UGT8: variants seen among roughly 807,000 people sequenced by gnomAD.
UGT8 encodes UDP glycosyltransferase 8.
In UGT8, 12 loss-of-function variants were observed where a neutral mutation model predicts 40.5. That is an observed-to-expected ratio of 0.30 (90% CI 0.19 to 0.48). The LOEUF (loss-of-function observed/expected upper bound fraction) is 0.48, where lower values mean the gene tolerates loss of function less well. Ranked by LOEUF, UGT8 falls within the 20% of genes least tolerant of loss-of-function variation. The probability of loss-of-function intolerance (pLI) is 0.99; values close to 1 mark genes in which losing one functional copy is unlikely to be tolerated. For missense variants in UGT8, 513 were observed against 648.7 expected (o/e 0.79, Z 2.27); for synonymous variants, 224 against 240.4 (o/e 0.93, Z 0.63).
intron 2 of UGT8, among the ~76,000 whole-genome samples, chr4:114,650,385 G>A (rs1309642244): frequency 6.6e-6 from 1 of 152,182 alleles, no homozygotes; most frequent in African/African-American, 2.4e-5. Flanking sequence ...AGAACTTGGT[G>A]ATGACTTGAG....
rs1735722221 is a variant in UGT8, at chr4:114,677,351, AT to A, written c.*1065del. 1 of 152,180 alleles carries A rather than the reference AT, an allele frequency of 6.6e-6. No homozygotes were observed. Among genetic ancestry groups the A allele is most frequent in the Non-Finnish European group, 1.5e-5 (1 of 68,028 alleles). The allele number at this position is 152,180 out of a possible 1,614,324, so 9.4% of individuals were successfully genotyped here. A position where few individuals can be genotyped will look rare whatever the true frequency, so the allele number is the denominator to read the frequency against. On this transcript the variant is annotated 3_prime_UTR_variant, in exon 6 of 6. Coordinates refer to ENST00000310836, the MANE Select transcript of UGT8 (RefSeq NM_001128174.3). ...TATATTACATAGGTGCCAACATTTAATTCTTTTAAATGGAACATTTGCAGTT... is the reference window on the plus strand; with the variant it reads ...TATATTACATAGGTGCCAACATTTAATCTTTTAAATGGAACATTTGCAGTT...
At chr4:114,660,890 CAAAAAA>C (rs34026143) in intron 2 of UGT8, among the ~76,000 whole-genome samples, 1 of 103,002 alleles carries the variant, frequency 9.7e-6, no homozygotes, top group Admixed American at 9.8e-5. Context: ...GACTCTGTCT[CAAAAAA>C]AAAAAAAAAA....
intron 2 of UGT8, among the ~76,000 whole-genome samples, chr4:114,647,360 G>GTGTA (rs1245444886): frequency 9.5e-5 from 14 of 146,940 alleles, no homozygotes; most frequent in Admixed American, 2.7e-4. Context: ...GCTCTTTTGT[G>GTGTA]TGTGTGTGTG....
At chr4:114,648,272 T>C (rs1393026326) in intron 2 of UGT8, among the ~76,000 whole-genome samples, 1 of 152,088 alleles carries the variant, frequency 6.6e-6, no homozygotes, top group African/African-American at 2.4e-5. Flanking sequence ...ATGCACTTCT[T>C]GCCTGTGGTG....
chr4:114,658,133 T>A (rs1239539616), intron 2 of UGT8, among the ~76,000 whole-genome samples: 3 of 152,214 alleles, frequency 2.0e-5, no homozygotes, highest in Non-Finnish European at 2.9e-5. Flanking sequence ...ATCAAAATGT[T>A]CACTATCATT....
rs201905002 is a variant in UGT8 at position 114,633,409 on chromosome 4, A to AG, written c.822+9709dup. Among the ~76,000 whole-genome samples the AG allele has an allele frequency of 1.5e-3, 229 of 152,338 alleles. 6 individuals are homozygous for AG. Among genetic ancestry groups the AG allele is most frequent in the Admixed American group, 0.014 (212 of 15,308 alleles). ...TGAGAAAGTGGAGAGAGCTGATGGA[A>AG]GGAGAGTATTCCAGGCAACCAACAC... is the stretch of plus-strand genomic sequence containing the variant. On this transcript the variant is annotated intron_variant, in intron 2 of 5. Transcript: ENST00000310836.
intron 2 of UGT8, among the ~76,000 whole-genome samples, chr4:114,628,152 T>G (rs902247646): frequency 6.6e-6 from 1 of 152,072 alleles, no homozygotes; most frequent in Non-Finnish European, 1.5e-5. Flanking sequence ...TTAATTTTTA[T>G]TTTTTGAGAT....
rs562673719 is a variant in UGT8 at position 114,654,805 on chromosome 4, G to A, written c.823-9190G>A. Among the ~76,000 whole-genome samples the A allele has an allele frequency of 4.6e-5, 7 of 152,192 alleles. No homozygotes were observed. The South Asian group carries it at 6.2e-4, about 14-fold the overall frequency. ...GTAATCAGTTGACCAGAGAAGTCAC[G>A]AGTCAGCCAAAGCTTACCTGCCCAA... On this transcript the variant is annotated intron_variant, in intron 2 of 5. Coordinates refer to ENST00000310836, the MANE Select transcript of UGT8 (RefSeq NM_001128174.3).
intron 1 of UGT8, among the ~76,000 whole-genome samples, chr4:114,604,426 G>A (rs1261249098): frequency 4.0e-5 from 6 of 150,698 alleles, no homozygotes; most frequent in Non-Finnish European, 8.8e-5. Flanking sequence ...CTGTGTAATA[G>A]GGGAAGGACT....
chr4:114,609,725 T>G (rs750523094), intron 1 of UGT8, among the ~76,000 whole-genome samples: 9 of 152,152 alleles, frequency 5.9e-5, no homozygotes, highest in African/African-American at 1.9e-4. Flanking sequence ...TTATACTTTC[T>G]GACCATTATT....
chr4:114,648,281 T>C (rs1733697226), intron 2 of UGT8, among the ~76,000 whole-genome samples: 1 of 151,658 alleles, frequency 6.6e-6, no homozygotes, highest in Non-Finnish European at 1.5e-5. Flanking sequence ...TTGCCTGTGG[T>C]GAGGAAGGAG....
At chr4:114,647,231 G>C (rs1733624673) in intron 2 of UGT8, among the ~76,000 whole-genome samples, 1 of 152,116 alleles carries the variant, frequency 6.6e-6, no homozygotes, top group East Asian at 1.9e-4. Context: ...AGGATCTATA[G>C]TAATAATTTG....
chr4:114,619,386 A>G (rs1323141585), intron 1 of UGT8: 1 of 152,102 alleles, frequency 6.6e-6, no homozygotes, highest in Non-Finnish European at 1.5e-5. Context: ...TTTTTTCATC[A>G]TATGTTACTT....
intron 1 of UGT8, among the ~76,000 whole-genome samples, chr4:114,619,156 A>C (rs1443525796): frequency 6.6e-6 from 1 of 152,080 alleles, no homozygotes; most frequent in Non-Finnish European, 1.5e-5. Context: ...ACAATCATCC[A>C]GTGGGATTTG....
rs559516567 is a variant in UGT8 at position 114,620,225 on chromosome 4, G to A, written c.-2-2654G>A. The stretch of plus-strand genomic sequence containing the variant: ...ACTGAACAGAGTGTACCTATGGTCT[G>A]CTCAGCTAGATCCAGAACCCAGTGG... On this transcript the variant is annotated intron_variant, in intron 1 of 5. Coordinates refer to ENST00000310836, the MANE Select transcript of UGT8 (RefSeq NM_001128174.3). 3.9e-5 allele frequency among the ~76,000 whole-genome samples: 6 copies of A among 152,304 alleles called. No individual in the cohort carries two copies. In the South Asian group the frequency reaches 1.2e-3, roughly 32 times the overall value.
At chr4:114,606,700 G>T (rs1730754791) in intron 1 of UGT8, among the ~76,000 whole-genome samples, 1 of 152,156 alleles carries the variant, frequency 6.6e-6, no homozygotes, top group Non-Finnish European at 1.5e-5. Context: ...AAGTAAGAGA[G>T]AAACTGGAAG....
intron 2 of UGT8, among the ~76,000 whole-genome samples, chr4:114,639,347 T>C (rs1287801589): frequency 2.6e-5 from 4 of 152,238 alleles, no homozygotes; most frequent in African/African-American, 9.6e-5. Context: ...CTAGGTGTTC[T>C]GATGTCCCTG....
intron 1 of UGT8, among the ~76,000 whole-genome samples, chr4:114,611,474 TATA>T (rs1731073751): frequency 7.1e-6 from 1 of 141,006 alleles, no homozygotes; most frequent in Non-Finnish European, 1.5e-5. Flanking sequence ...ATTAGATATA[TATA>T]ATATCTATAT....
At chr4:114,662,088 GTC>G (rs1734578239) in intron 2 of UGT8, among the ~76,000 whole-genome samples, 1 of 152,156 alleles carries the variant, frequency 6.6e-6, no homozygotes, top group Non-Finnish European at 1.5e-5. Flanking sequence ...AATTGATATA[GTC>G]TCTATTTCTT....
Sources: gnomAD v4.1 joint callset for allele counts (sites outside exome capture counted in the v4.1 genomes callset) on GRCh38, gnomAD v4.1.1 for gene constraint, MANE v1.5 for transcripts, NCBI Gene and HGNC (gene_info 2026-07-23, HGNC 2026-07-21) for gene names.